Variants in CLPTM1L observed in about 807,000 individuals in gnomAD.
The protein encoded by CLPTM1L is CLPTM1 like.
A neutral mutation model predicts 70.9 loss-of-function variants in CLPTM1L; 38 were observed. The ratio of observed to expected loss-of-function variants is 0.54; its 90% CI spans 0.41 to 0.70. The LOEUF is 0.70. Among genes scored for constraint, CLPTM1L ranks in the 30% least tolerant of loss-of-function variants. The pLI, the probability that CLPTM1L is intolerant of heterozygous loss-of-function variation, is 0.00. For synonymous variants in CLPTM1L, 339 were observed against 299.9 expected (o/e 1.13, Z -1.35); for missense variants, 652 against 705.9 (o/e 0.92, Z 0.87).
chr5:1,330,516 C>G (rs1186189287), intron 8 of CLPTM1L, 133 bp from the exon 9 acceptor site: 10 of 638,486 alleles, frequency 1.6e-5, no homozygotes, highest in Non-Finnish European at 2.8e-5. Flanking sequence ...CCCCAGTCCA[C>G]GTCACCCCGT....
chr5:1,327,253 CACATTCCATCCAGCTCCTCCTCTACAGGG>C, intron 9 of CLPTM1L, among the ~76,000 whole-genome samples: 1 of 142,712 alleles, frequency 7.0e-6, no homozygotes, highest in East Asian at 2.2e-4. Flanking sequence ...CCTCGACAGA[CACATTCCATCCAGCTCCTCCTCTACAGGG>C]ACATTTCATC....
At chr5:1,319,865 CA>C (rs1752050205) in intron 16 of CLPTM1L, among the ~76,000 whole-genome samples, 1 of 152,216 alleles carries the variant, frequency 6.6e-6, no homozygotes, top group African/African-American at 2.4e-5. Context: ...GCAGTGCTTG[CA>C]GTGGTCCAGA....
chr5:1,345,075 C>T lies in CLPTM1L; in HGVS notation c.-234G>A, dbSNP rs539156906. 5 of 154,506 alleles carry T rather than the reference C, an allele frequency of 3.2e-5. No homozygotes were observed. The East Asian group carries it at 9.7e-4, about 30-fold the overall frequency. 9.6% of individuals were successfully genotyped at this position (154,506 alleles called of 1,614,324 possible). On this transcript the variant is annotated 5_prime_UTR_variant, in exon 1 of 17. Transcript: ENST00000320895. ...GATTCGCCGGCCCCGCGCGCCGCTTCCGGGCCCCGCCGCCTGCCGGAAGTG... is the reference window on the plus strand; with the variant it reads ...GATTCGCCGGCCCCGCGCGCCGCTTTCGGGCCCCGCCGCCTGCCGGAAGTG...
At chr5:1,327,111 A>G (rs1440605009) in intron 9 of CLPTM1L, among the ~76,000 whole-genome samples, 3 of 150,158 alleles carry the variant, frequency 2.0e-5, no homozygotes, top group Non-Finnish European at 4.4e-5. Flanking sequence ...CGACAGACAC[A>G]TTCCATCCAG....
rs3222913 is a variant in CLPTM1L, at chr5:1,342,039, T to TGTGCGCGCGCGC, written c.264-180_264-179insGCGCGCGCGCAC. ...GTGTGTGTGTGTGTGTGTGTGTGTG[T>TGTGCGCGCGCGC]GCACGCGCACGCGTGCGCGTCCTGA... On this transcript the variant is annotated intron_variant, in intron 2 of 16. Coordinates refer to ENST00000320895, the MANE Select transcript of CLPTM1L (RefSeq NM_030782.5). The surrounding 1 kb of genome is among the most constrained non-coding windows in gnomAD (Gnocchi z 4.3). Among the ~76,000 whole-genome samples the TGTGCGCGCGCGC allele has an allele frequency of 5.3e-4, 79 of 149,084 alleles. 1 individual carries two copies. Among genetic ancestry groups the TGTGCGCGCGCGC allele is most frequent in the South Asian group, 1.5e-3 (7 of 4,752 alleles).
chr5:1,342,009 C>CGTGTGTGT lies in CLPTM1L; in HGVS notation c.264-157_264-150dup, dbSNP rs71598674. ...CCCACCTGCCCAGGGCTTTACGAGT[C>CGTGTGTGT]GTGTGTGTGTGTGTGTGTGTGTGTG... On this transcript the variant is annotated intron_variant, in intron 2 of 16. Transcript: ENST00000320895. This position sits in a 1 kb window ranked among gnomAD's most constrained non-coding sequence, Gnocchi z 4.3. 1,538 of 503,162 alleles carry CGTGTGTGT rather than the reference C, an allele frequency of 3.1e-3. 8 individuals are homozygous for CGTGTGTGT. Among genetic ancestry groups the CGTGTGTGT allele is most frequent in the African/African-American group, 5.0e-3 (200 of 40,190 alleles). The allele number at this position is 503,162 out of a possible 1,614,324, so 31.2% of individuals were successfully genotyped here. A position where few individuals can be genotyped will look rare whatever the true frequency, so the allele number is the denominator to read the frequency against.
intron 5 of CLPTM1L, 92 bp from the exon 6 acceptor site, chr5:1,335,266 A>C: frequency 7.0e-6 from 7 of 993,502 alleles, no homozygotes; most frequent in Non-Finnish European, 7.9e-6. Context: ...CCCCCTTCCC[A>C]TCCCTGTGTG....
Position 1,342,060 on chromosome 5 carries a change from C to A in CLPTM1L, c.264-200G>T, listed in dbSNP as rs189904509. Among the ~76,000 whole-genome samples, 301 of 139,748 alleles carry A rather than the reference C, an allele frequency of 2.2e-3. No individual in the cohort carries two copies. The highest frequency in any genetic ancestry group is 8.7e-3 in the African/African-American group (292 of 33,578). 91.7% of individuals were successfully genotyped at this position (139,748 alleles called of 152,430 possible). A position where few individuals can be genotyped will look rare whatever the true frequency, so the allele number is the denominator to read the frequency against. Reference sequence around the variant, plus strand: ...TGTGTGCACGCGCACGCGTGCGCGTCCTGAGAACTCGGCACAGGTGTGGGC... The same window carrying A: ...TGTGTGCACGCGCACGCGTGCGCGTACTGAGAACTCGGCACAGGTGTGGGC... On this transcript the variant is annotated intron_variant, in intron 2 of 16. Coordinates refer to ENST00000320895, the MANE Select transcript of CLPTM1L (RefSeq NM_030782.5). This position sits in a 1 kb window ranked among gnomAD's most constrained non-coding sequence, Gnocchi z 4.3.
At position 1,324,786 on chromosome 5, in the gene CLPTM1L, T is replaced by C. The variant is rs1561231523; in HGVS notation, c.1174A>G (p.Lys392Glu). Residue 392 changes from lysine to glutamate, a missense_variant, in exon 11 of 17, where the codon AAA becomes GAA. This residue lies in a region of CLPTM1L where 240 missense variants were observed against 295.0 expected (regional missense o/e 0.81). Transcript: ENST00000320895. ...QFGTYSESER[K>E]TEEYDTQAMK... ...ACCTGAGTATCGTACTCCTCGGTTT[T>C]CCTCTCAGATTCGCTGTAAGTGCCA... is the stretch of plus-strand genomic sequence containing the variant. 5 of 1,614,176 alleles carry C rather than the reference T, an allele frequency of 3.1e-6. No individual in the cohort carries two copies. The East Asian group carries it at 8.9e-5, about 29-fold the overall frequency.
intron 3 of CLPTM1L, among the ~76,000 whole-genome samples, chr5:1,340,714 C>G (rs145391110): frequency 6.6e-6 from 1 of 152,112 alleles, no homozygotes; most frequent in Non-Finnish European, 1.5e-5. Flanking sequence ...CCATCAACTC[C>G]GAGAGACCTC....
intron 4 of CLPTM1L, chr5:1,338,337 G>C: frequency 3.0e-6 from 1 of 334,910 alleles, no homozygotes; most frequent in Non-Finnish European, 5.6e-6. Context: ...GCAATCCCAG[G>C]ATGTGGCCAC....
At chr5:1,333,884 A>G (rs563541389) in intron 7 of CLPTM1L, among the ~76,000 whole-genome samples, 2 of 152,186 alleles carry the variant, frequency 1.3e-5, no homozygotes, top group African/African-American at 4.8e-5. Context: ...CAAGAGAACT[A>G]CTTTCTGCTA....
Position 1,344,775 on chromosome 5 carries a change from T to TCTAC in CLPTM1L, c.66_67insGTAG (p.Thr23ValfsTer47). Reference sequence around the variant, plus strand: ...ACGATGCCGTACATGACCCAGCAGGTGTGCACCACGTAGACCACGAACACG... The same window carrying TCTAC: ...ACGATGCCGTACATGACCCAGCAGGTCTACGTGCACCACGTAGACCACGAACACG... On this transcript the variant is annotated frameshift_variant, in exon 1 of 17. Transcript: ENST00000320895. LOFTEE classifies it high-confidence loss of function. 1 of 1,605,712 alleles carries TCTAC rather than the reference T, an allele frequency of 6.2e-7. No homozygotes were observed. Among genetic ancestry groups the TCTAC allele is most frequent in the Non-Finnish European group, 8.5e-7 (1 of 1,177,082 alleles).
At chr5:1,328,324 C>A (rs570126762) in intron 9 of CLPTM1L, among the ~76,000 whole-genome samples, 1 of 57,054 alleles carries the variant, frequency 1.8e-5, no homozygotes, top group South Asian at 3.1e-4. Flanking sequence ...TACTCCTCTA[C>A]GGACACATTT....
chr5:1,324,677 G>C (rs1266527394), intron 11 of CLPTM1L, 86 bp downstream of exon 11: 15 of 1,288,948 alleles, frequency 1.2e-5, no homozygotes, highest in Non-Finnish European at 3.4e-6. Context: ...GGAGACTTCC[G>C]CACTGAGCAA....
Position 1,319,575 on chromosome 5 carries a change from G to A in CLPTM1L, c.1532+1041C>T, listed in dbSNP as rs147906596. Reference sequence around the variant, plus strand: ...TGCGCTCCCCAAGGGCCGGCACCCCGGACCTAGGCAGGACCCGCCAGGACG... The same window carrying A: ...TGCGCTCCCCAAGGGCCGGCACCCCAGACCTAGGCAGGACCCGCCAGGACG... On this transcript the variant is annotated intron_variant, in intron 16 of 16. Transcript: ENST00000320895. Among the ~76,000 whole-genome samples, 29 of 152,276 alleles carry A rather than the reference G, an allele frequency of 1.9e-4. No individual in the cohort carries two copies. In the East Asian group the frequency reaches 5.0e-3, roughly 26 times the overall value.
At chr5:1,334,136 A>T (rs1170341976) in intron 7 of CLPTM1L, among the ~76,000 whole-genome samples, 153 bp downstream of exon 7, 2 of 152,184 alleles carry the variant, frequency 1.3e-5, no homozygotes, top group Non-Finnish European at 2.9e-5. Context: ...GCCTGGTGTC[A>T]GGCGTGCTGG....
At position 1,342,736 on chromosome 5, in the gene CLPTM1L, G is replaced by A. The variant is rs998022562; in HGVS notation, c.264-876C>T. ...CGAGTAGCTGGGACTACAGGTGGGC[G>A]TGCCACCATGCCTGGCTAACTTTGA... On this transcript the variant is annotated intron_variant, in intron 2 of 16. Transcript: ENST00000320895. The surrounding 1 kb of genome is among the most constrained non-coding windows in gnomAD (Gnocchi z 4.3). Among the ~76,000 whole-genome samples the A allele has an allele frequency of 6.6e-5, 10 of 152,234 alleles. No homozygotes were observed. The highest frequency in any genetic ancestry group is 1.3e-4 in the Admixed American group (2 of 15,286).
chr5:1,335,398 C>CCCCAGAACCAGGGAGGTTCCCACCCCCA (rs1186571849), intron 5 of CLPTM1L, among the ~76,000 whole-genome samples: 1 of 152,254 alleles, frequency 6.6e-6, no homozygotes, highest in Admixed American at 6.5e-5. Flanking sequence ...CCACCAGGAC[C>CCCCAGAACCAGGGAGGTTCCCACCCCCA]CCGTGAGCTC....
Sources: gnomAD v4.1 joint callset for allele counts (sites outside exome capture counted in the v4.1 genomes callset) on GRCh38, gnomAD v4.1.1 for gene constraint, gnomAD v4.1.1 regional missense constraint, Gnocchi (gnomAD v3.1) non-coding constraint, MANE v1.5 for transcripts, NCBI Gene and HGNC (gene_info 2026-07-23, HGNC 2026-07-21) for gene names.